RNF141: variants seen among roughly 807,000 people sequenced by gnomAD.
RNF141 encodes the protein C3HC4-like zinc finger protein.
A neutral mutation model predicts 27.4 loss-of-function variants in RNF141; 18 were observed. The ratio of observed to expected loss-of-function variants is 0.66; its 90% CI spans 0.45 to 0.97. The LOEUF is 0.97. Ranked by LOEUF, RNF141 falls within the 50% of genes least tolerant of loss-of-function variation. The pLI is 0.00. For missense variants in RNF141, 230 were observed against 279.4 expected, an observed-to-expected ratio of 0.82 and a Z score of 1.26; for synonymous variants, 97 against 96.6, an observed-to-expected ratio of 1.00 and a Z score of -0.02.
Position 10,530,586 on chromosome 11 carries a change from T to C in RNF141, c.252+57A>G. The C allele has an allele frequency of 7.7e-6, 7 of 910,420 alleles. No individual in the cohort carries two copies. In the South Asian group the frequency reaches 9.8e-5, roughly 13 times the overall value. The allele number at this position is 910,420 out of a possible 1,614,324, so 56.4% of individuals were successfully genotyped here. A position where few individuals can be genotyped will look rare whatever the true frequency, so the allele number is the denominator to read the frequency against. ...TTATATTATCTTACAGTATTAAATA[T>C]AGTTCTAGCCACCAAAATAGCTTAA... On this transcript the variant is annotated intron_variant, in intron 3 of 5. Coordinates refer to ENST00000265981, the MANE Select transcript of RNF141 (RefSeq NM_016422.4).
At chr11:10,533,034 A>C (rs986097482) in intron 2 of RNF141, among the ~76,000 whole-genome samples, 1 of 152,218 alleles carries the variant, frequency 6.6e-6, no homozygotes, top group Non-Finnish European at 1.5e-5. Context: ...AGCTAAGTTG[A>C]AGAGACTAAA....
Position 10,511,792 on chromosome 11 carries a change from A to G in RNF141, c.*3124T>C, listed in dbSNP as rs1849801937. 6.6e-6 allele frequency: 1 copy of G among 152,630 alleles called. No homozygotes were observed. The highest frequency in any genetic ancestry group is 2.4e-5 in the African/African-American group (1 of 41,454). The allele number at this position is 152,630 out of a possible 1,614,324, so 9.5% of individuals were successfully genotyped here. On this transcript the variant is annotated 3_prime_UTR_variant, in exon 6 of 6. Transcript: ENST00000265981. Reference sequence around the variant, plus strand: ...ATTAGATATAAGGAAATCGAGTCCAATTTGAAATGAATTTTAAAACAGCAC... The same window carrying G: ...ATTAGATATAAGGAAATCGAGTCCAGTTTGAAATGAATTTTAAAACAGCAC...
At chr11:10,541,075 G>T (rs985002209) in intron 1 of RNF141, 47 bp downstream of exon 1, 14 of 152,288 alleles carry the variant, frequency 9.2e-5, no homozygotes, top group Admixed American at 2.6e-4. Flanking sequence ...CAGAGTCCTG[G>T]AGCAGCTAGC....
chr11:10,526,190 G>A (rs544702140), intron 3 of RNF141, among the ~76,000 whole-genome samples: 1 of 152,282 alleles, frequency 6.6e-6, no homozygotes, highest in South Asian at 2.1e-4. Flanking sequence ...ATGGAAGACT[G>A]GGGAAGAAGT....
chr11:10,515,177 T>A, intron 5 of RNF141, 111 bp from the exon 6 acceptor site: 3 of 1,198,992 alleles, frequency 2.5e-6, no homozygotes, highest in Non-Finnish European at 3.5e-6. Context: ...CATAGAAATA[T>A]ATAGTGAAAA....
Position 10,534,113 on chromosome 11 carries a change from A to C in RNF141, c.46T>G (p.Leu16Val). The change falls in exon 2 of 6, where the codon TTA (leucine) becomes GTA (valine). Residue 16 changes from leucine to valine, a missense_variant. Physicochemically the swap from Leu to Val is conservative, Grantham distance 32. Coordinates refer to ENST00000265981, the MANE Select transcript of RNF141 (RefSeq NM_016422.4). Reference sequence around the variant, plus strand: ...ACATGTTTTGCTACTTTTTCTGGTAACTTGTTAATAACCAACTGTGTCTGA... The same window carrying C: ...ACATGTTTTGCTACTTTTTCTGGTACCTTGTTAATAACCAACTGTGTCTGA... ...SDQTQLVINK[L>V]PEKVAKHVTL... 6.2e-7 allele frequency: 1 copy of C among 1,613,730 alleles called. No individual in the cohort carries two copies. The highest frequency in any genetic ancestry group is 8.5e-7 in the Non-Finnish European group (1 of 1,179,722).
In RNF141 at chr11:10,530,748, C is replaced by T. The variant is rs745386395; in HGVS notation, c.147G>A (p.Thr49=). 19 of 1,594,280 alleles carry T rather than the reference C, an allele frequency of 1.2e-5. No homozygotes were observed. The highest frequency in any genetic ancestry group is 8.1e-5 in the African/African-American group (6 of 74,162). The change falls in exon 3 of 6, where the codon ACG becomes ACA. Residue 49 remains threonine (T), a synonymous_variant. Transcript: ENST00000265981. The stretch of plus-strand genomic sequence containing the variant: ...TTTCCTGGCCAGAAGCCACTTTAGC[C>T]GTTCTGAAAAGAGACAAGAACATGT... ...LGRVAELNDV[T]AKVASGQEKH...
intron 3 of RNF141, among the ~76,000 whole-genome samples, chr11:10,528,163 G>C (rs1849954881): frequency 6.6e-6 from 1 of 152,054 alleles, no homozygotes; most frequent in African/African-American, 2.4e-5. Flanking sequence ...AGAGAGTCAA[G>C]AAAAAGACTT....
Position 10,533,181 on chromosome 11 carries a change from GC to G in RNF141, c.143+834del, listed in dbSNP as rs1442881116. Among the ~76,000 whole-genome samples the G allele has an allele frequency of 6.6e-5, 10 of 152,276 alleles. No individual in the cohort carries two copies. In the East Asian group the frequency reaches 1.9e-3, roughly 29 times the overall value. On this transcript the variant is annotated intron_variant, in intron 2 of 5. Transcript: ENST00000265981. The stretch of plus-strand genomic sequence containing the variant: ...GATTTAAAAGAAAGATATGACATCT[GC>G]CCAATTGTCACCAAGGGAGAAAATA...
chr11:10,522,534 C>T (rs1353753181), intron 4 of RNF141, among the ~76,000 whole-genome samples: 1 of 152,136 alleles, frequency 6.6e-6, no homozygotes, highest in African/African-American at 2.4e-5. Context: ...GAGAAAAGAC[C>T]ATCTGGGAAA....
At chr11:10,530,288 G>T (rs773452894) in intron 3 of RNF141, among the ~76,000 whole-genome samples, 2 of 152,184 alleles carry the variant, frequency 1.3e-5, no homozygotes, top group East Asian at 3.9e-4. Context: ...TAAAAGAAAT[G>T]ATCTCAAGAT....
chr11:10,536,882 T>A (rs1417295836), intron 1 of RNF141, among the ~76,000 whole-genome samples: 1 of 152,236 alleles, frequency 6.6e-6, no homozygotes, highest in East Asian at 1.9e-4. Flanking sequence ...TAGTCCATTA[T>A]GCTTTGCAAT....
chr11:10,539,047 T>C (rs1040955515), intron 1 of RNF141, among the ~76,000 whole-genome samples: 2 of 152,220 alleles, frequency 1.3e-5, no homozygotes, highest in Non-Finnish European at 2.9e-5. Flanking sequence ...TCAAAAAGCA[T>C]TTGAAGGATT....
chr11:10,530,085 G>A (rs1272435281), intron 3 of RNF141, among the ~76,000 whole-genome samples: 1 of 152,100 alleles, frequency 6.6e-6, no homozygotes, highest in Non-Finnish European at 1.5e-5. Context: ...TAAAATTCAT[G>A]CCTTCATTTA....
Position 10,530,642 on chromosome 11 carries a change from C to T in RNF141, c.252+1G>A. 1.3e-6 allele frequency: 2 copies of T among 1,583,796 alleles called. No individual in the cohort carries two copies. Among genetic ancestry groups the T allele is most frequent in the Non-Finnish European group, 1.7e-6 (2 of 1,155,836 alleles). On this transcript the variant is annotated splice_donor_variant, in intron 3 of 5. Coordinates refer to ENST00000265981, the MANE Select transcript of RNF141 (RefSeq NM_016422.4). LOFTEE classifies it high-confidence loss of function. ...GAGGTAGAAGTCTCCATCAGTCTCA[C>T]CTTGGTACAGACCACCCGTACAACC...
At position 10,528,117 on chromosome 11, in the gene RNF141, A is replaced by G. The variant is rs143311292; in HGVS notation, c.252+2526T>C. ...TAATTTAGATCATTTTTTATAGTGG[A>G]TTAAATATTATTTAAGGATAATCAT... On this transcript the variant is annotated intron_variant, in intron 3 of 5. Transcript: ENST00000265981. 2.5e-3 allele frequency among the ~76,000 whole-genome samples: 378 copies of G among 152,318 alleles called. 1 individual carries two copies. Among genetic ancestry groups the G allele is most frequent in the African/African-American group, 8.6e-3 (357 of 41,574 alleles).
At chr11:10,519,666 G>A (rs965890085) in intron 4 of RNF141, among the ~76,000 whole-genome samples, 2 of 128,540 alleles carry the variant, frequency 1.6e-5, no homozygotes, top group Admixed American at 8.7e-5. Flanking sequence ...GTTACTGTAT[G>A]GAACACTGTA....
Position 10,513,525 on chromosome 11 carries a change from T to C in RNF141, c.*1391A>G, listed in dbSNP as rs1018639009. ...GCAAAAAAAATGGTTGAGGTGCAAC[T>C]GAAGATCACAATTCCATTATTACTA... On this transcript the variant is annotated 3_prime_UTR_variant, in exon 6 of 6. Transcript: ENST00000265981. The C allele has an allele frequency of 6.6e-6, 1 of 152,210 alleles. No homozygotes were observed. Among genetic ancestry groups the C allele is most frequent in the Non-Finnish European group, 1.5e-5 (1 of 68,026 alleles). 9.4% of individuals were successfully genotyped at this position (152,210 alleles called of 1,614,324 possible).
chr11:10,523,897 C>G (rs1434526121), intron 4 of RNF141, among the ~76,000 whole-genome samples: 1 of 152,164 alleles, frequency 6.6e-6, no homozygotes, highest in Non-Finnish European at 1.5e-5. Flanking sequence ...TGAAAGATTA[C>G]AGAATACAGG....
Sources: gnomAD v4.1 joint callset for allele counts (sites outside exome capture counted in the v4.1 genomes callset) on GRCh38, gnomAD v4.1.1 for gene constraint, MANE v1.5 for transcripts, NCBI Gene and HGNC (gene_info 2026-07-23, HGNC 2026-07-21) for gene names.